Variants in MSANTD2 observed in about 807,000 individuals in gnomAD.
MSANTD2 encodes the protein myb/SANT-like DNA-binding domain-containing protein 2.
Under a neutral mutation model 52.6 loss-of-function variants are expected in MSANTD2, and 19 were observed. The ratio of observed to expected loss-of-function variants is 0.36; its 90% confidence interval spans 0.25 to 0.53. The LOEUF is 0.53. Ranked by LOEUF, MSANTD2 falls within the 20% of genes least tolerant of loss-of-function variation. The pLI, the probability that MSANTD2 is intolerant of heterozygous loss-of-function variation, is 0.91. For synonymous variants in MSANTD2, 291 were observed against 289.7 expected (o/e 1.00, Z -0.04); for missense variants, 558 against 716.3 (o/e 0.78, Z 2.52).
At chr11:124,786,063 A>C (rs554947671) in intron 1 of MSANTD2, among the ~76,000 whole-genome samples, 1 of 144,382 alleles carries the variant, frequency 6.9e-6, no homozygotes, top group Non-Finnish European at 1.5e-5. Context: ...ATATTTACCT[A>C]GGTTACTGCT....
At chr11:124,769,623 T>C (rs1437632345) in intron 3 of MSANTD2, among the ~76,000 whole-genome samples, 1 of 152,248 alleles carries the variant, frequency 6.6e-6, no homozygotes, top group Non-Finnish European at 1.5e-5. Context: ...TTGTCTATTA[T>C]GCTCAATGAA....
At chr11:124,796,076 T>C (rs1046543747) in intron 1 of MSANTD2, among the ~76,000 whole-genome samples, 3 of 152,214 alleles carry the variant, frequency 2.0e-5, no homozygotes, top group African/African-American at 7.2e-5. Context: ...AATTAAAATC[T>C]TGTGTGCTTA....
chr11:124,772,626 ACG>A (rs1944568318), intron 3 of MSANTD2, among the ~76,000 whole-genome samples: 5 of 151,974 alleles, frequency 3.3e-5, no homozygotes, highest in Non-Finnish European at 4.4e-5. Context: ...AGTCCCAGCT[ACG>A]CTGGAGGCTG....
intron 1 of MSANTD2, chr11:124,784,146 C>T (rs1945079673): frequency 1.0e-6 from 1 of 984,866 alleles, no homozygotes; most frequent in African/African-American, 1.8e-5. Context: ...ACTTCCTCCT[C>T]ACCTGAAAGG....
At chr11:124,785,571 T>C (rs573089167) in intron 1 of MSANTD2, among the ~76,000 whole-genome samples, 93 of 152,330 alleles carry the variant, frequency 6.1e-4, no homozygotes, top group African/African-American at 2.1e-3. Context: ...TGACCAGTCA[T>C]TGGATTCAGG....
intron 1 of MSANTD2, chr11:124,784,430 C>G (rs562281027): frequency 1.0e-6 from 1 of 985,380 alleles, no homozygotes. Context: ...TACTCCCAAA[C>G]ACCCTCCACT....
At chr11:124,780,181 TAAGA>T (rs753877281) in intron 1 of MSANTD2, among the ~76,000 whole-genome samples, 3 of 152,200 alleles carry the variant, frequency 2.0e-5, no homozygotes, top group African/African-American at 4.8e-5. Flanking sequence ...CTGCACACAG[TAAGA>T]AAGATGTTAA....
At chr11:124,797,852 T>C (rs1167690538) in intron 1 of MSANTD2, among the ~76,000 whole-genome samples, 1 of 152,156 alleles carries the variant, frequency 6.6e-6, no homozygotes, top group Admixed American at 6.5e-5. Context: ...TAAATCTCCT[T>C]TTCTTGCTTT....
At position 124,800,026 on chromosome 11, in the gene MSANTD2, C is replaced by G; in HGVS notation, c.355G>C (p.Glu119Gln). 2 of 1,582,972 alleles carry G rather than the reference C, an allele frequency of 1.3e-6. No homozygotes were observed. The change falls in exon 1 of 4, where the codon GAG (glutamate) becomes CAG (glutamine). Residue 119 changes from glutamate (E) to glutamine (Q), a missense_variant. Glu to Gln is a conservative substitution (Grantham distance 29). Around this residue, in one of 2 missense-constraint regions of MSANTD2, gnomAD observed 408 missense variants for 573.6 expected, o/e 0.71. Coordinates refer to ENST00000374979, the MANE Select transcript of MSANTD2 (RefSeq NM_001308027.2). The surrounding 1 kb of genome is among the most constrained non-coding windows in gnomAD (Gnocchi z 4.3). ...TGGTACCGCGCCTCCACCAGCCGCT[C>G]GTTGCCCCACACTGCGATGAGCGCG... ...TNALIAVWGN[E>Q]RLVEARYQQL...
intron 1 of MSANTD2, chr11:124,784,599 C>CAG (rs1476469337): frequency 1.0e-6 from 1 of 985,230 alleles, no homozygotes; most frequent in Non-Finnish European, 1.2e-6. Flanking sequence ...GGAGACTGTG[C>CAG]AGAGCAGGCT....
At chr11:124,776,482 A>G (rs1944749879) in intron 1 of MSANTD2, among the ~76,000 whole-genome samples, 1 of 152,172 alleles carries the variant, frequency 6.6e-6, no homozygotes, top group African/African-American at 2.4e-5. Flanking sequence ...ATTTTAGTAG[A>G]GACGGGGTTT....
rs1228825581 is a variant in MSANTD2, at chr11:124,799,972, C to T, written c.409G>A (p.Gly137Ser). ...ATGGCTGGCCCGGGGGCCTTGCTGC[C>T]GAACACCGTGCCGGCTCCCTCCAGC... ...QQLEGAGTVF[G>S]SKAPGPAMYE... Residue 137 changes from glycine to serine, a missense_variant, in exon 1 of 4, where the codon GGC becomes AGC. This residue lies in a region of MSANTD2 where 408 missense variants were observed against 573.6 expected (regional missense o/e 0.71). Transcript: ENST00000374979. 2.5e-6 allele frequency: 4 copies of T among 1,585,232 alleles called. No individual in the cohort carries two copies. Among genetic ancestry groups the T allele is most frequent in the Non-Finnish European group, 3.4e-6 (4 of 1,174,850 alleles).
intron 1 of MSANTD2, among the ~76,000 whole-genome samples, chr11:124,794,958 A>C (rs1172148970): frequency 1.3e-5 from 2 of 152,138 alleles, no homozygotes; most frequent in African/African-American, 4.8e-5. Context: ...AGCTCACTGC[A>C]AACTCCACCT....
At chr11:124,777,582 G>A (rs544286249) in intron 1 of MSANTD2, among the ~76,000 whole-genome samples, 1 of 152,194 alleles carries the variant, frequency 6.6e-6, no homozygotes. Context: ...TACAGATATG[G>A]AAGAAAAGTC....
At chr11:124,790,025 CCTT>C (rs1304086569) in intron 1 of MSANTD2, 1 of 152,162 alleles carries the variant, frequency 6.6e-6, no homozygotes, top group East Asian at 1.9e-4. Flanking sequence ...GAAAGTTTTT[CCTT>C]CTATTTTATT....
chr11:124,772,497 G>A (rs886415383), intron 3 of MSANTD2, among the ~76,000 whole-genome samples: 1 of 152,120 alleles, frequency 6.6e-6, no homozygotes, highest in Admixed American at 6.5e-5. Context: ...CAGCACTTTG[G>A]GAGGCTGAGG....
At chr11:124,775,398 A>G (rs113315536) in intron 1 of MSANTD2, 153 of 160,638 alleles carry the variant, frequency 9.5e-4, no homozygotes, top group African/African-American at 3.5e-3. Flanking sequence ...GAGGACAGAA[A>G]GAAGAATTTC....
chr11:124,782,657 G>A (rs952482786), intron 1 of MSANTD2, among the ~76,000 whole-genome samples: 4 of 152,150 alleles, frequency 2.6e-5, no homozygotes, highest in South Asian at 2.1e-4. Flanking sequence ...TCACTAGATT[G>A]TAAGCTCCAT....
rs1297155551 is a variant in MSANTD2 at position 124,791,618 on chromosome 11, C to T, written c.510+8253G>A. On this transcript the variant is annotated intron_variant, in intron 1 of 3. Transcript: ENST00000374979. ...GCCCGCTGCCCAATATCAGTGGGAT[C>T]GGCAGCTTCCATCCTTCCAGACTTT... 3.4e-6 allele frequency: 5 copies of T among 1,479,038 alleles called. No homozygotes were observed. The South Asian group carries it at 3.4e-5, about 10-fold the overall frequency. The allele number at this position is 1,479,038 out of a possible 1,614,324, so 91.6% of individuals were successfully genotyped here. A position where few individuals can be genotyped will look rare whatever the true frequency, so the allele number is the denominator to read the frequency against.
Sources: gnomAD v4.1 joint callset for allele counts (sites outside exome capture counted in the v4.1 genomes callset) on GRCh38, gnomAD v4.1.1 for gene constraint, gnomAD v4.1.1 regional missense constraint, Gnocchi (gnomAD v3.1) non-coding constraint, MANE v1.5 for transcripts, NCBI Gene and HGNC (gene_info 2026-07-23, HGNC 2026-07-21) for gene names.